The following ACCS variants were observed in gnomAD, a reference collection of about 807,000 sequenced individuals.
The protein encoded by ACCS is 1-aminocyclopropane-1-carboxylate synthase homolog (inactive).
ACCS carries 42 observed loss-of-function variants against 59.8 expected under a neutral mutation model. The observed-to-expected ratio is 0.70, with a 90% CI of 0.55 to 0.91. ACCS has a LOEUF of 0.91. ACCS is among the 40% of genes least tolerant of loss of function. The pLI is 0.00. For missense variants in ACCS, 602 were observed against 630.4 expected, an observed-to-expected ratio of 0.95 and a Z score of 0.48; for synonymous variants, 230 against 240.3, an observed-to-expected ratio of 0.96 and a Z score of 0.40.
intron 5 of ACCS, 45 bp downstream of exon 5, chr11:44,074,726 C>G (rs2134849077): frequency 9.6e-7 from 1 of 1,039,778 alleles, no homozygotes; most frequent in African/African-American, 3.5e-5. Flanking sequence ...CCTGCCTCCC[C>G]TCTCCATCTC....
chr11:44,069,537 G>A (rs1007125913), intron 2 of ACCS, among the ~76,000 whole-genome samples: 4 of 152,186 alleles, frequency 2.6e-5, no homozygotes, highest in African/African-American at 4.8e-5. Flanking sequence ...GCCAGTCCAC[G>A]CCACCACGCC....
chr11:44,077,029 C>T (rs1055441213), intron 6 of ACCS, among the ~76,000 whole-genome samples: 3 of 152,192 alleles, frequency 2.0e-5, no homozygotes, highest in African/African-American at 7.2e-5. Flanking sequence ...CAGATCCCTC[C>T]TATGACGCAG....
Position 44,071,292 on chromosome 11 carries a change from T to A in ACCS, c.325T>A (p.Cys109Ser). The A allele has an allele frequency of 6.2e-7, 1 of 1,614,080 alleles. No individual in the cohort carries two copies. The highest frequency in any genetic ancestry group is 8.5e-7 in the Non-Finnish European group (1 of 1,179,972). The change falls in exon 3 of 15, where the codon TGC becomes AGC. Residue 109 changes from cysteine to serine, a missense_variant. Transcript: ENST00000263776. Reference sequence around the variant, plus strand: ...CTTGGGCACCAGTGAGAACAAACTCTGCTTTGACCTGCTGTCCTGGCGGGT... The same window carrying A: ...CTTGGGCACCAGTGAGAACAAACTCAGCTTTGACCTGCTGTCCTGGCGGGT... The part of the protein sequence containing the change: ...INLGTSENKL[C>S]FDLLSWRLSQ...
Position 44,078,607 on chromosome 11 carries a change from C to T in ACCS, c.733-77C>T, listed in dbSNP as rs532157540. The T allele has an allele frequency of 4.4e-4, 572 of 1,298,558 alleles. 3 individuals are homozygous for T. Among genetic ancestry groups the T allele is most frequent in the South Asian group, 1.5e-3 (119 of 80,300 alleles). 80.4% of individuals were successfully genotyped at this position (1,298,558 alleles called of 1,614,324 possible). ...TCAAATCTCCCTGGGAGCCTTCCAG[C>T]GATCAGCCCCCTTTGACTGTGTGGC... On this transcript the variant is annotated intron_variant, in intron 8 of 14. Coordinates refer to ENST00000263776, the MANE Select transcript of ACCS (RefSeq NM_032592.4).
chr11:44,071,273 C>T lies in ACCS; in HGVS notation c.306C>T (p.Gly102=). 1 of 1,614,108 alleles carries T rather than the reference C, an allele frequency of 6.2e-7. No homozygotes were observed. The highest frequency in any genetic ancestry group is 8.5e-7 in the Non-Finnish European group (1 of 1,180,004). Residue 102 remains glycine, a synonymous_variant, in exon 3 of 15, where the codon GGC becomes GGT. Coordinates refer to ENST00000263776, the MANE Select transcript of ACCS (RefSeq NM_032592.4). ...DKNPSGIINL[G]TSENKLCFDL... The stretch of plus-strand genomic sequence containing the variant: ...ATCTCCAGGGCATCATTAACTTGGG[C>T]ACCAGTGAGAACAAACTCTGCTTTG...
At chr11:44,071,535 C>T in intron 3 of ACCS, 1 of 521,578 alleles carries the variant, frequency 1.9e-6, no homozygotes, top group East Asian at 3.0e-5. Flanking sequence ...ACTCTTATTT[C>T]ACTCAGTCCC....
At chr11:44,073,675 C>T (rs1953171744) in intron 4 of ACCS, 158 bp downstream of exon 4, 1 of 695,110 alleles carries the variant, frequency 1.4e-6, no homozygotes, top group Non-Finnish European at 2.3e-6. Flanking sequence ...CAGGACAGCC[C>T]CCACAATGAA....
In ACCS at chr11:44,083,844, G is replaced by C; in HGVS notation, c.*52G>C. 6.4e-7 allele frequency: 1 copy of C among 1,554,784 alleles called. No homozygotes were observed. Among genetic ancestry groups the C allele is most frequent in the Non-Finnish European group, 8.7e-7 (1 of 1,149,218 alleles). The stretch of plus-strand genomic sequence containing the variant: ...GCCCAGCAGCCACTGTGGACCTGGG[G>C]CGTTCTGGGGCTGCAGAAGACTGAC... On this transcript the variant is annotated 3_prime_UTR_variant, in exon 15 of 15. Coordinates refer to ENST00000263776, the MANE Select transcript of ACCS (RefSeq NM_032592.4).
chr11:44,078,818 C>T lies in ACCS; in HGVS notation c.833+34C>T. The T allele has an allele frequency of 1.9e-6, 3 of 1,589,234 alleles. No individual in the cohort carries two copies. The South Asian group carries it at 3.3e-5, about 18-fold the overall frequency. ...CCCCACACTGGCCCCGACAGAGCGT[C>T]TGGGCAGCCTGGGGTTCCAATGCGG... On this transcript the variant is annotated intron_variant, in intron 9 of 14. Transcript: ENST00000263776.
At chr11:44,074,984 C>T (rs1327715054) in intron 5 of ACCS, among the ~76,000 whole-genome samples, 4 of 151,434 alleles carry the variant, frequency 2.6e-5, no homozygotes, top group African/African-American at 7.3e-5. Flanking sequence ...ACCACACGCC[C>T]GGCTAATTTT....
At chr11:44,082,166 G>A (rs563169606) in intron 12 of ACCS, 2 of 150,284 alleles carry the variant, frequency 1.3e-5, no homozygotes, top group Non-Finnish European at 3.0e-5. Flanking sequence ...GGAGCAGCTG[G>A]AAGTCTCATA....
chr11:44,083,350 G>A (rs1395480870), intron 13 of ACCS, 39 bp downstream of exon 13: 2 of 1,612,818 alleles, frequency 1.2e-6, no homozygotes, highest in South Asian at 2.2e-5. Flanking sequence ...GGGAGTTTCA[G>A]GTCTCCCTCC....
chr11:44,081,238 C>T lies in ACCS; in HGVS notation c.1029C>T (p.Ala343=). The change falls in exon 12 of 15, where the codon GCC becomes GCT. Residue 343 remains alanine, a synonymous_variant. Transcript: ENST00000263776. ...TGTACACAGAAAACCAGGATGTGGC[C>T]ACTGCCGTGGCTTCCCTCTGCCGCT... ...GTLYTENQDV[A]TAVASLCRYH... is the part of the protein sequence containing the mutation. 6.2e-7 allele frequency: 1 copy of T among 1,614,236 alleles called. No homozygotes were observed. Among genetic ancestry groups the T allele is most frequent in the Non-Finnish European group, 8.5e-7 (1 of 1,180,042 alleles).
intron 4 of ACCS, 28 bp downstream of exon 4, chr11:44,073,545 T>A: frequency 6.3e-7 from 1 of 1,583,434 alleles, no homozygotes; most frequent in Non-Finnish European, 8.6e-7. Context: ...GGTGAGTTTG[T>A]CCCCCTGGGG....
intron 6 of ACCS, chr11:44,075,968 A>G (rs941773977): frequency 1.6e-4 from 30 of 191,070 alleles, no homozygotes; most frequent in African/African-American, 6.4e-4. Flanking sequence ...GCCCACTTCT[A>G]TCTTCCTGAC....
At chr11:44,075,016 GT>G (rs1327348806) in intron 5 of ACCS, among the ~76,000 whole-genome samples, 1 of 151,496 alleles carries the variant, frequency 6.6e-6, no homozygotes, top group Non-Finnish European at 1.5e-5. Context: ...TAGAGATGGG[GT>G]TTTACCATGT....
At chr11:44,074,903 C>T (rs1953278760) in intron 5 of ACCS, among the ~76,000 whole-genome samples, 1 of 150,130 alleles carries the variant, frequency 6.7e-6, no homozygotes, top group Non-Finnish European at 1.5e-5. Flanking sequence ...TGGCTCACTG[C>T]ATCCTCTGCC....
rs369193661 is a variant in ACCS at position 44,077,310 on chromosome 11, C to T, written c.588C>T (p.Gly196=). 6.2e-6 allele frequency: 10 copies of T among 1,614,112 alleles called. No homozygotes were observed. Among genetic ancestry groups the T allele is most frequent in the African/African-American group, 2.7e-5 (2 of 75,036 alleles). ...EAFLIPTPYY[G]AITQHVCLYG... ...TCCTGATCCCCACCCCTTACTATGG[C>T]GCTATCACACAGCACGTGTGTCTCT... The change falls in exon 7 of 15, where the codon GGC becomes GGT. Residue 196 remains glycine, a synonymous_variant. Coordinates refer to ENST00000263776, the MANE Select transcript of ACCS (RefSeq NM_032592.4).
At chr11:44,078,994 G>A (rs372017265) in intron 9 of ACCS, 16 of 554,962 alleles carry the variant, frequency 2.9e-5, no homozygotes, top group Admixed American at 1.5e-4. Flanking sequence ...ATCAATTAGC[G>A]CACACTCTAG....
Sources: allele counts gnomAD v4.1 joint callset (sites outside exome capture counted in the v4.1 genomes callset), GRCh38; gene constraint gnomAD v4.1.1; transcripts MANE v1.5; gene names NCBI Gene and HGNC (gene_info 2026-07-23, HGNC 2026-07-21).